NTRK1: variants seen among roughly 807,000 people sequenced by gnomAD.
NTRK1 encodes the protein neurotrophic receptor tyrosine kinase 1, also known as high affinity nerve growth factor receptor.
A neutral mutation model predicts 86.8 loss-of-function variants in NTRK1; 62 were observed. The observed-to-expected ratio is 0.71, with a 90% CI of 0.58 to 0.88. The LOEUF (loss-of-function observed/expected upper bound fraction) is 0.88. Ranked by LOEUF, NTRK1 falls within the 40% of genes least tolerant of loss-of-function variation. The probability of loss-of-function intolerance (pLI) is 0.00; values close to 1 mark genes in which losing one functional copy is unlikely to be tolerated. For missense variants in NTRK1, 967 were observed against 1,078.4 expected (o/e 0.90, Z 1.45); for synonymous variants, 469 against 456.6 (o/e 1.03, Z -0.35).
chr1:156,875,249 T>C (rs975591502), intron 11 of NTRK1, among the ~76,000 whole-genome samples: 6 of 151,678 alleles, frequency 4.0e-5, no homozygotes, highest in African/African-American at 1.2e-4. Flanking sequence ...GGTGGCTGGA[T>C]TGTAGTCAAG....
At chr1:156,825,285 A>G (rs975373664) in intron 1 of NTRK1, among the ~76,000 whole-genome samples, 1 of 152,200 alleles carries the variant, frequency 6.6e-6, no homozygotes, top group Admixed American at 6.5e-5. Flanking sequence ...CAAGTGCAGC[A>G]TATCTTGCCT....
In NTRK1 at chr1:156,873,599, C is replaced by G. The variant is rs770858860; in HGVS notation, c.851-34C>G. On this transcript the variant is annotated intron_variant, in intron 7 of 16. Coordinates refer to ENST00000524377, the MANE Select transcript of NTRK1 (RefSeq NM_002529.4). ...GTGCCAGGCTCCCTCCAGCTGCGCCCTGACCTCCTGCTGTTGCTCTTTCTG... is the reference window on the plus strand; with the variant it reads ...GTGCCAGGCTCCCTCCAGCTGCGCCGTGACCTCCTGCTGTTGCTCTTTCTG... The G allele has an allele frequency of 3.8e-6, 6 of 1,595,188 alleles. No individual in the cohort carries two copies. The Admixed American group carries it at 1.0e-4, about 27-fold the overall frequency.
intron 2 of NTRK1, among the ~76,000 whole-genome samples, chr1:156,847,497 A>G (rs1026788643): frequency 6.6e-6 from 1 of 152,098 alleles, no homozygotes; most frequent in Non-Finnish European, 1.5e-5. Context: ...CATCACATTG[A>G]TGTTCATGAT....
At chr1:156,851,773 C>T (rs1163991925) in intron 2 of NTRK1, 2 of 1,610,454 alleles carry the variant, frequency 1.2e-6, no homozygotes, top group South Asian at 1.1e-5. Flanking sequence ...GCCCCTCGCA[C>T]TTGTGGCAGA....
intron 1 of NTRK1, among the ~76,000 whole-genome samples, chr1:156,825,131 C>T (rs1339263117): frequency 4.6e-5 from 7 of 152,116 alleles, no homozygotes; most frequent in Non-Finnish European, 1.0e-4. Flanking sequence ...TCAGGTGATC[C>T]GCCCGCCTCA....
intron 1 of NTRK1, among the ~76,000 whole-genome samples, chr1:156,863,923 C>A (rs545017991): frequency 6.6e-6 from 1 of 152,128 alleles, no homozygotes; most frequent in African/African-American, 2.4e-5. Context: ...TGTGTGTGCA[C>A]GTGAGAGATG....
intron 3 of NTRK1, among the ~76,000 whole-genome samples, chr1:156,865,487 T>G (rs1188899168): frequency 1.3e-5 from 2 of 152,192 alleles, no homozygotes; most frequent in Non-Finnish European, 2.9e-5. Flanking sequence ...CAGGCGGTAA[T>G]GCTCACTCAC....
rs974005108 is a variant in NTRK1, at chr1:156,868,785, G to C, written c.717+138G>C. 2.0e-5 allele frequency: 27 copies of C among 1,362,990 alleles called. 1 individual carries two copies. In the South Asian group the frequency reaches 3.5e-4, roughly 18 times the overall value. The allele number at this position is 1,362,990 out of a possible 1,614,324, so 84.4% of individuals were successfully genotyped here. A position where few individuals can be genotyped will look rare whatever the true frequency, so the allele number is the denominator to read the frequency against. ...TGAGGTTGAGGGACGGACAGAGATG[G>C]TTTAGACCCACAGGGCTCAGGCCTA... On this transcript the variant is annotated intron_variant, in intron 6 of 16. Transcript: ENST00000524377.
At chr1:156,855,212 T>TATCTATCTATCTATCTATCTATC (rs60194471) in intron 2 of NTRK1, among the ~76,000 whole-genome samples, 61 of 28,584 alleles carry the variant, frequency 2.1e-3, no homozygotes, top group South Asian at 3.4e-3. Context: ...ATCTATCTAT[T>TATCTATCTATCTATCTATCTATC]TATTTATTTG....
intron 2 of NTRK1, 117 bp downstream of exon 2, chr1:156,864,545 G>A: frequency 8.2e-7 from 1 of 1,217,332 alleles, no homozygotes; most frequent in Non-Finnish European, 1.2e-6. Flanking sequence ...TGAGCACTGA[G>A]GGACTGGGAG....
chr1:156,868,180 G>A lies in NTRK1; in HGVS notation c.505G>A (p.Gly169Arg), dbSNP rs367836863. 830 of 1,613,722 alleles carry A rather than the reference G, an allele frequency of 5.1e-4. 4 individuals are homozygous for A. The highest frequency in any genetic ancestry group is 4.4e-3 in the South Asian group (403 of 91,092). ...GCGCTGGGAGGAGGAGGGACTGGGC[G>A]GAGTGCCTGAACAGAAGCTGCAGTG... ...LQRWEEEGLG[G>R]VPEQKLQCHG... Residue 169 changes from glycine (G) to arginine (R), a missense_variant, in exon 5 of 17, where the codon GGA becomes AGA. This residue lies in a region of NTRK1 where 330 missense variants were observed against 302.0 expected (regional missense o/e 1.09). Coordinates refer to ENST00000524377, the MANE Select transcript of NTRK1 (RefSeq NM_002529.4).
chr1:156,820,393 T>C (rs1392355077), intron 1 of NTRK1, among the ~76,000 whole-genome samples: 2 of 152,300 alleles, frequency 1.3e-5, no homozygotes, highest in Middle Eastern at 3.4e-3. Flanking sequence ...ACTACAGGCA[T>C]GCGCCACCAC....
At position 156,835,844 on chromosome 1, in the gene NTRK1, G is replaced by C. The variant is rs867563831; in HGVS notation, c.-63-6237G>C. Among the ~76,000 whole-genome samples the C allele has an allele frequency of 1.2e-4, 18 of 152,288 alleles. No homozygotes were observed. The Middle Eastern group carries it at 0.01, about 86-fold the overall frequency. On this transcript the variant is annotated intron_variant, in intron 1 of 16. Coordinates refer to the NTRK1 transcript ENST00000392302. ...TAAGGTCTCTCCCCTAGGAAATTCT[G>C]CTTCCAAAAGAGGTACCCCTGCCTC... is the stretch of plus-strand genomic sequence containing the variant.
intron 1 of NTRK1, among the ~76,000 whole-genome samples, chr1:156,820,825 A>T (rs2102832725): frequency 6.6e-6 from 1 of 152,294 alleles, no homozygotes; most frequent in South Asian, 2.1e-4. Context: ...GTGAAGAATG[A>T]TGAAGGTATT....
chr1:156,833,228 A>G (rs888624330), intron 1 of NTRK1, among the ~76,000 whole-genome samples: 1 of 152,266 alleles, frequency 6.6e-6, no homozygotes, highest in Non-Finnish European at 1.5e-5. Flanking sequence ...AATGTCAGCA[A>G]TAGTGTGAGC....
At chr1:156,866,210 A>G (rs1571687057) in intron 3 of NTRK1, among the ~76,000 whole-genome samples, 1 of 152,234 alleles carries the variant, frequency 6.6e-6, no homozygotes, top group East Asian at 1.9e-4. Flanking sequence ...TGGCTAGGAA[A>G]GAAGAGGGGT....
chr1:156,821,689 G>T (rs1012942664), intron 1 of NTRK1, among the ~76,000 whole-genome samples: 1 of 152,236 alleles, frequency 6.6e-6, no homozygotes, highest in Non-Finnish European at 1.5e-5. Context: ...GCTGCAAAGT[G>T]CAGTGGCCAG....
At chr1:156,841,208 T>C in intron 1 of NTRK1, 1 of 1,031,032 alleles carries the variant, frequency 9.7e-7, no homozygotes, top group Non-Finnish European at 1.5e-6. Flanking sequence ...TCGTGGGCCA[T>C]TATGCCTGGG....
intron 7 of NTRK1, among the ~76,000 whole-genome samples, chr1:156,872,424 C>T (rs973612819): frequency 6.6e-6 from 1 of 151,816 alleles, no homozygotes; most frequent in Non-Finnish European, 1.5e-5. Context: ...TTTAGTTTTG[C>T]CTGTTCTTGT....
Sources: gnomAD v4.1 joint callset for allele counts (sites outside exome capture counted in the v4.1 genomes callset) on GRCh38, gnomAD v4.1.1 for gene constraint, gnomAD v4.1.1 regional missense constraint, MANE v1.5 for transcripts, NCBI Gene and HGNC (gene_info 2026-07-23, HGNC 2026-07-21) for gene names.